Variants in RNF13 observed in about 807,000 individuals in gnomAD.
RNF13 encodes ring finger protein 13.
In RNF13, 19 loss-of-function variants were observed where a neutral mutation model predicts 37.7. That is an observed-to-expected ratio of 0.50 (90% CI 0.35 to 0.74). RNF13 has a LOEUF of 0.74. Ranked by LOEUF, RNF13 falls within the 30% of genes least tolerant of loss-of-function variation. The pLI, the probability that RNF13 is intolerant of heterozygous loss-of-function variation, is 0.01. For synonymous variants in RNF13, 144 were observed against 157.8 expected, an observed-to-expected ratio of 0.91 and a Z score of 0.65; for missense variants, 375 against 453.0, an observed-to-expected ratio of 0.83 and a Z score of 1.56.
intron 8 of RNF13, among the ~76,000 whole-genome samples, chr3:149,953,591 C>T (rs936211382): frequency 2.0e-5 from 3 of 152,068 alleles, no homozygotes; most frequent in Admixed American, 6.6e-5. Context: ...CACTATGAAT[C>T]GAAGGGGAAT....
At chr3:149,944,499 T>C (rs1311350201) in intron 8 of RNF13, among the ~76,000 whole-genome samples, 2 of 152,238 alleles carry the variant, frequency 1.3e-5, no homozygotes, top group Admixed American at 1.3e-4. Context: ...GACTTTTTAA[T>C]GATCGCCATT....
intron 6 of RNF13, among the ~76,000 whole-genome samples, chr3:149,902,496 G>T (rs1715948453): frequency 6.6e-6 from 1 of 151,968 alleles, no homozygotes; most frequent in African/African-American, 2.4e-5. Context: ...AGAAATGTTT[G>T]TATATTACTA....
At chr3:149,872,252 A>G (rs1413629744) in intron 4 of RNF13, 98 bp downstream of exon 4, 1 of 793,802 alleles carries the variant, frequency 1.3e-6, no homozygotes, top group East Asian at 2.9e-5. Context: ...TTTAAAATTT[A>G]AAATCCAGTA....
chr3:149,829,041 CT>C (rs746850851), intron 1 of RNF13, among the ~76,000 whole-genome samples: 8 of 152,090 alleles, frequency 5.3e-5, no homozygotes, highest in Non-Finnish European at 1.0e-4. Context: ...GAAACTATAA[CT>C]TTGGGATTGA....
At chr3:149,878,627 C>T (rs981166291) in intron 4 of RNF13, among the ~76,000 whole-genome samples, 1 of 152,168 alleles carries the variant, frequency 6.6e-6, no homozygotes, top group African/African-American at 2.4e-5. Flanking sequence ...ATCTATTGCT[C>T]CATTCTCATC....
At chr3:149,894,930 T>C (rs762298642) in intron 4 of RNF13, among the ~76,000 whole-genome samples, 1 of 152,140 alleles carries the variant, frequency 6.6e-6, no homozygotes, top group South Asian at 2.1e-4. Context: ...ATTCTTATGG[T>C]ACAAAGGTTA....
At chr3:149,855,236 T>C (rs960914719) in intron 3 of RNF13, among the ~76,000 whole-genome samples, 1 of 152,146 alleles carries the variant, frequency 6.6e-6, no homozygotes, top group African/African-American at 2.4e-5. Flanking sequence ...GGAGAATCGC[T>C]TGAACCCAGG....
intron 1 of RNF13, among the ~76,000 whole-genome samples, chr3:149,815,717 T>C (rs753980349): frequency 1.9e-4 from 29 of 152,146 alleles, no homozygotes; most frequent in African/African-American, 2.4e-5. Flanking sequence ...TACACAAAAG[T>C]TGATTTGGGA....
At chr3:149,909,941 T>C (rs1716816902) in intron 6 of RNF13, among the ~76,000 whole-genome samples, 11 of 97,574 alleles carry the variant, frequency 1.1e-4, no homozygotes, top group Non-Finnish European at 2.2e-5. Flanking sequence ...GTCATAAACA[T>C]AAAAAGAGAA....
chr3:149,909,442 A>ATTTTTTT (rs35918938), intron 6 of RNF13, among the ~76,000 whole-genome samples: 8 of 114,450 alleles, frequency 7.0e-5, no homozygotes, highest in Non-Finnish European at 1.0e-4. Flanking sequence ...TGCCTGGTTA[A>ATTTTTTT]TTTTTTTTTT....
intron 8 of RNF13, among the ~76,000 whole-genome samples, chr3:149,959,335 CAA>C (rs1722162929): frequency 1.3e-5 from 2 of 151,996 alleles, no homozygotes; most frequent in South Asian, 2.1e-4. Flanking sequence ...AACAAACAAA[CAA>C]AAACTGCTAG....
chr3:149,930,787 G>C (rs1295297344), intron 8 of RNF13, among the ~76,000 whole-genome samples: 1 of 152,038 alleles, frequency 6.6e-6, no homozygotes, highest in Non-Finnish European at 1.5e-5. Context: ...TGTGGCTTTC[G>C]GCAGATTGTG....
At chr3:149,842,065 T>G (rs1370675701) in intron 1 of RNF13, among the ~76,000 whole-genome samples, 1 of 151,690 alleles carries the variant, frequency 6.6e-6, no homozygotes, top group Non-Finnish European at 1.5e-5. Context: ...GAAATCAGTC[T>G]CTCTCTCTTT....
intron 8 of RNF13, among the ~76,000 whole-genome samples, chr3:149,943,151 G>A (rs578214699): frequency 6.7e-6 from 1 of 149,428 alleles, no homozygotes; most frequent in Non-Finnish European, 1.5e-5. Context: ...TTCTTTTTTT[G>A]TATCTGTCTC....
At chr3:149,904,471 C>T (rs1298703873) in intron 6 of RNF13, among the ~76,000 whole-genome samples, 1 of 152,124 alleles carries the variant, frequency 6.6e-6, no homozygotes, top group Non-Finnish European at 1.5e-5. Flanking sequence ...ACCTCTGCCT[C>T]CTGATCTCAA....
At chr3:149,877,099 T>A (rs1342314008) in intron 4 of RNF13, among the ~76,000 whole-genome samples, 2 of 152,148 alleles carry the variant, frequency 1.3e-5, no homozygotes, top group Admixed American at 6.6e-5. Flanking sequence ...TATATACTAT[T>A]TAATCCCACA....
intron 3 of RNF13, among the ~76,000 whole-genome samples, chr3:149,855,479 C>T (rs1489161696): frequency 6.6e-6 from 1 of 150,592 alleles, no homozygotes; most frequent in Non-Finnish European, 1.5e-5. Context: ...GTAATTTCCT[C>T]TTTAAAAATA....
At chr3:149,899,504 G>A (rs1715607464) in intron 5 of RNF13, among the ~76,000 whole-genome samples, 1 of 152,150 alleles carries the variant, frequency 6.6e-6, no homozygotes, top group Non-Finnish European at 1.5e-5. Context: ...GTTTTAAACA[G>A]CTGTGTAAGG....
At chr3:149,889,920 C>G (rs1000808506) in intron 4 of RNF13, among the ~76,000 whole-genome samples, 1 of 152,184 alleles carries the variant, frequency 6.6e-6, no homozygotes, top group Non-Finnish European at 1.5e-5. Context: ...CGTGATCTGC[C>G]CGCCTCAGCC....
Sources: gnomAD v4.1 joint callset for allele counts (sites outside exome capture counted in the v4.1 genomes callset) on GRCh38, gnomAD v4.1.1 for gene constraint, MANE v1.5 for transcripts, NCBI Gene and HGNC (gene_info 2026-07-23, HGNC 2026-07-21) for gene names.